SPIDR: variants seen among roughly 807,000 people sequenced by gnomAD.
SPIDR encodes the protein scaffold protein involved in DNA repair.
A neutral mutation model predicts 104.6 loss-of-function variants in SPIDR; 93 were observed. The ratio of observed to expected loss-of-function variants is 0.89; its 90% CI spans 0.75 to 1.06. The LOEUF is 1.06. SPIDR is among the 50% of genes least tolerant of loss of function. The probability of loss-of-function intolerance (pLI) is 0.00; values close to 1 mark genes in which losing one functional copy is unlikely to be tolerated. For synonymous variants in SPIDR, 431 were observed against 416.9 expected (o/e 1.03, Z -0.41); for missense variants, 1,154 against 1,111.2 (o/e 1.04, Z -0.55).
At chr8:47,396,702 T>C (rs782672626) in intron 6 of SPIDR, 76 bp downstream of exon 6, 41 of 1,400,124 alleles carry the variant, frequency 2.9e-5, no homozygotes, top group Non-Finnish European at 4.0e-5. Flanking sequence ...AAAATGTTAA[T>C]TTTAAGATAC....
chr8:47,631,802 A>G (rs1196796220), intron 10 of SPIDR, among the ~76,000 whole-genome samples: 5 of 152,314 alleles, frequency 3.3e-5, no homozygotes, highest in African/African-American at 1.2e-4. Flanking sequence ...AAGTCTTTCT[A>G]ATGAGACCAA....
chr8:47,592,133 A>G, intron 8 of SPIDR: 1 of 1,397,880 alleles, frequency 7.2e-7, no homozygotes, highest in Admixed American at 1.8e-5. Flanking sequence ...ACACTTGATG[A>G]TCGGATCAAT....
At position 47,325,230 on chromosome 8, in the gene SPIDR, A is replaced by G. The variant is rs182073566; in HGVS notation, c.525+31200A>G. On this transcript the variant is annotated intron_variant, in intron 5 of 19. Coordinates refer to ENST00000297423, the MANE Select transcript of SPIDR (RefSeq NM_001080394.4). ...TTGCTTTTAGAGTGTTAAATTGGGA[A>G]TGTACACTAGATAGTTGATGTTGTC... Among the ~76,000 whole-genome samples the G allele has an allele frequency of 1.4e-4, 21 of 152,292 alleles. No individual in the cohort carries two copies. In the East Asian group the frequency reaches 4.1e-3, roughly 29 times the overall value.
rs575857777 is a variant in SPIDR, at chr8:47,520,091, T to G, written c.1098-75720T>G. Among the ~76,000 whole-genome samples, 13 of 152,292 alleles carry G rather than the reference T, an allele frequency of 8.5e-5. No homozygotes were observed. In the East Asian group the frequency reaches 2.5e-3, roughly 29 times the overall value. On this transcript the variant is annotated intron_variant, in intron 8 of 19. Transcript: ENST00000297423. ...AGCCTGAACTTGACTATAGATAATA[T>G]AGTTGTATTTGAATATGGAGTATCT... is the stretch of plus-strand genomic sequence containing the variant.
intron 10 of SPIDR, chr8:47,673,589 A>G: frequency 1.6e-6 from 1 of 623,294 alleles, no homozygotes; most frequent in Non-Finnish European, 2.8e-6. Context: ...TCTTGAATTC[A>G]ACGTTTTTTT....
intron 2 of SPIDR, among the ~76,000 whole-genome samples, chr8:47,282,602 G>C (rs1468787088): frequency 1.3e-5 from 2 of 152,200 alleles, no homozygotes; most frequent in Non-Finnish European, 2.9e-5. Flanking sequence ...TCTGGATTCT[G>C]CTCTGGCTTA....
At chr8:47,276,723 G>A (rs2036505278) in intron 1 of SPIDR, 1 of 152,228 alleles carries the variant, frequency 6.6e-6, no homozygotes, top group African/African-American at 2.4e-5. Context: ...GCGTCAAGGT[G>A]AGGGAGAGAT....
chr8:47,478,224 C>T (rs1554724782), intron 8 of SPIDR, among the ~76,000 whole-genome samples: 2 of 152,174 alleles, frequency 1.3e-5, no homozygotes, highest in African/African-American at 4.8e-5. Flanking sequence ...AGCCTGACGA[C>T]AAACACACCT....
intron 7 of SPIDR, among the ~76,000 whole-genome samples, chr8:47,425,865 T>C (rs2066322373): frequency 1.3e-5 from 2 of 152,092 alleles, no homozygotes; most frequent in Admixed American, 6.5e-5. Context: ...TCATTTTGTA[T>C]TGAAATATAA....
chr8:47,695,520 A>G (rs1266659197), intron 11 of SPIDR, among the ~76,000 whole-genome samples: 2 of 152,164 alleles, frequency 1.3e-5, no homozygotes, highest in Non-Finnish European at 2.9e-5. Flanking sequence ...TCCACACCCA[A>G]AAGAAAGTGG....
At chr8:47,470,689 T>C (rs1370035344) in intron 8 of SPIDR, among the ~76,000 whole-genome samples, 1 of 152,168 alleles carries the variant, frequency 6.6e-6, no homozygotes. Context: ...ATTGAGCCCT[T>C]GTTTTACACC....
chr8:47,519,710 A>G (rs1184960473), intron 8 of SPIDR, among the ~76,000 whole-genome samples: 1 of 152,188 alleles, frequency 6.6e-6, no homozygotes, highest in Non-Finnish European at 1.5e-5. Context: ...GTTTTAGTCC[A>G]GGAGGTCAAG....
At chr8:47,423,804 A>G (rs1290204376) in intron 7 of SPIDR, among the ~76,000 whole-genome samples, 2 of 152,268 alleles carry the variant, frequency 1.3e-5, no homozygotes, top group African/African-American at 4.8e-5. Flanking sequence ...GCTGTGGCAT[A>G]GAGAATGGAC....
At chr8:47,557,956 A>G (rs980446834) in intron 8 of SPIDR, among the ~76,000 whole-genome samples, 3 of 152,218 alleles carry the variant, frequency 2.0e-5, no homozygotes, top group African/African-American at 4.8e-5. Flanking sequence ...CATACACACC[A>G]TGGAATACTT....
Position 47,701,964 on chromosome 8 carries a change from T to A in SPIDR, c.1926T>A (p.Asp642Glu). 1 of 1,614,124 alleles carries A rather than the reference T, an allele frequency of 6.2e-7. No homozygotes were observed. The highest frequency in any genetic ancestry group is 8.5e-7 in the Non-Finnish European group (1 of 1,180,044). Residue 642 changes from aspartate to glutamate, a missense_variant, in exon 14 of 20, where the codon GAT becomes GAA. Transcript: ENST00000297423. ...RCLRDILQMN[D>E]LGTRCSFYAT... Reference sequence around the variant, plus strand: ...TTCTAATTCCTTTCCAGATGAATGATCTTGGTACCCGTTGCAGTTTCTATG... The same window carrying A: ...TTCTAATTCCTTTCCAGATGAATGAACTTGGTACCCGTTGCAGTTTCTATG...
At chr8:47,279,008 T>C (rs2037172221) in intron 1 of SPIDR, among the ~76,000 whole-genome samples, 1 of 151,844 alleles carries the variant, frequency 6.6e-6, no homozygotes, top group African/African-American at 2.4e-5. Flanking sequence ...TGGTTCAGCC[T>C]CCTGAGTAGC....
intron 16 of SPIDR, among the ~76,000 whole-genome samples, chr8:47,721,826 T>G (rs1254214136): frequency 6.6e-6 from 1 of 152,200 alleles, no homozygotes; most frequent in Non-Finnish European, 1.5e-5. Flanking sequence ...TTTTCCAACT[T>G]TGTTCTTGTT....
At chr8:47,399,888 G>A (rs1379724745) in intron 6 of SPIDR, among the ~76,000 whole-genome samples, 2 of 152,192 alleles carry the variant, frequency 1.3e-5, no homozygotes, top group Non-Finnish European at 2.9e-5. Flanking sequence ...TAGAGGTGAT[G>A]AGCTGGGGCA....
At chr8:47,641,494 CTA>C (rs1170037867) in intron 10 of SPIDR, among the ~76,000 whole-genome samples, 1 of 152,180 alleles carries the variant, frequency 6.6e-6, no homozygotes, top group Non-Finnish European at 1.5e-5. Context: ...AGAGTGCCTA[CTA>C]TAGATGAGAC....
Sources: gnomAD v4.1 joint callset for allele counts (sites outside exome capture counted in the v4.1 genomes callset) on GRCh38, gnomAD v4.1.1 for gene constraint, MANE v1.5 for transcripts, NCBI Gene and HGNC (gene_info 2026-07-23, HGNC 2026-07-21) for gene names.